Variants in VNN1 observed in about 807,000 individuals in gnomAD.
VNN1 encodes vanin 1, also known as pantetheinase.
In VNN1, 29 loss-of-function variants were observed where a neutral mutation model predicts 41.9. The observed-to-expected ratio is 0.69, with a 90% CI of 0.52 to 0.94. The LOEUF (loss-of-function observed/expected upper bound fraction) is 0.94. Ranked by LOEUF, VNN1 falls within the 40% of genes least tolerant of loss-of-function variation. The pLI is 0.00. For missense variants in VNN1, 637 were observed against 621.1 expected, an observed-to-expected ratio of 1.03 and a Z score of -0.27; for synonymous variants, 233 against 224.4, an observed-to-expected ratio of 1.04 and a Z score of -0.34.
Position 132,711,871 on chromosome 6 carries a change from G to A in VNN1, c.211-32C>T, listed in dbSNP as rs763119896. The A allele has an allele frequency of 3.7e-6, 6 of 1,608,156 alleles. No homozygotes were observed. The Admixed American group carries it at 8.4e-5, about 23-fold the overall frequency. ...AAAATGCAACTTAATCCAAAGGGGG[G>A]CCTGCAAGAGGAGCTGAGGAGCTGA... On this transcript the variant is annotated intron_variant, in intron 1 of 6. Coordinates refer to ENST00000367928, the MANE Select transcript of VNN1 (RefSeq NM_004666.3).
chr6:132,708,791 T>C (rs1778554109), intron 2 of VNN1, among the ~76,000 whole-genome samples: 1 of 152,182 alleles, frequency 6.6e-6, no homozygotes, highest in South Asian at 2.1e-4. Flanking sequence ...CTCTGCTTCT[T>C]TGGTGACCTA....
chr6:132,695,782 TAAG>T (rs1463941222), intron 2 of VNN1, among the ~76,000 whole-genome samples: 1 of 152,194 alleles, frequency 6.6e-6, no homozygotes, highest in Non-Finnish European at 1.5e-5. Flanking sequence ...ATAAAAGGTC[TAAG>T]AAGACCTTAA....
chr6:132,713,448 C>A (rs992762119), intron 1 of VNN1, among the ~76,000 whole-genome samples: 4 of 152,090 alleles, frequency 2.6e-5, no homozygotes, highest in Non-Finnish European at 4.4e-5. Context: ...ACCTGCAAAG[C>A]CTTAATAGCA....
At position 132,692,505 on chromosome 6, in the gene VNN1, C is replaced by G. The variant is rs139355374; in HGVS notation, c.906G>C (p.Ser302=). The change falls in exon 5 of 7, where the codon TCG becomes TCC. Residue 302 remains serine (S), a synonymous_variant. Coordinates refer to ENST00000367928, the MANE Select transcript of VNN1 (RefSeq NM_004666.3). ...AATGGGATGGGTGGGAATCCAGTTG[C>G]GAGAGGAGGAGTTTTCCCTCTTCTG... is the stretch of plus-strand genomic sequence containing the variant. ...MKTEEGKLLL[S]QLDSHPSHSA... is the part of the protein sequence containing the mutation. 1.2e-6 allele frequency: 2 copies of G among 1,613,046 alleles called. No individual in the cohort carries two copies. The highest frequency in any genetic ancestry group is 1.7e-5 in the Admixed American group (1 of 59,996).
chr6:132,685,248 A>T (rs1410463150), intron 5 of VNN1, among the ~76,000 whole-genome samples: 3 of 152,234 alleles, frequency 2.0e-5, no homozygotes, highest in Admixed American at 6.5e-5. Flanking sequence ...TATGTGAGTC[A>T]TCTCACCATG....
intron 2 of VNN1, among the ~76,000 whole-genome samples, chr6:132,710,529 G>T (rs368044745): frequency 6.6e-6 from 1 of 151,844 alleles, no homozygotes; most frequent in Non-Finnish European, 1.5e-5. Context: ...CTTAGCCCCC[G>T]ACTCCCCGAC....
intron 2 of VNN1, among the ~76,000 whole-genome samples, chr6:132,709,151 T>G (rs1285558624): frequency 6.6e-6 from 1 of 152,122 alleles, no homozygotes; most frequent in Non-Finnish European, 1.5e-5. Context: ...ATATCATAGA[T>G]AGGTAGACAG....
intron 2 of VNN1, among the ~76,000 whole-genome samples, chr6:132,695,395 C>T (rs1455839655): frequency 2.0e-5 from 3 of 152,184 alleles, no homozygotes; most frequent in Admixed American, 2.0e-4. Flanking sequence ...TCCTCATCCC[C>T]TGTCCCTGTG....
chr6:132,689,500 G>A (rs1778253605), intron 5 of VNN1, among the ~76,000 whole-genome samples: 2 of 152,072 alleles, frequency 1.3e-5, no homozygotes, highest in Admixed American at 6.5e-5. Flanking sequence ...AATGGTCAAC[G>A]TATTGTGTTA....
At chr6:132,711,675 T>C in intron 2 of VNN1, 34 bp downstream of exon 2, 1 of 1,602,106 alleles carries the variant, frequency 6.2e-7, no homozygotes, top group East Asian at 2.2e-5. Flanking sequence ...AAGTTGATGT[T>C]TACTAGTGAA....
Position 132,684,426 on chromosome 6 carries a change from T to C in VNN1, c.1268A>G (p.Glu423Gly). ...GAAAGTGCCACTGAGGGAGAACATT[T>C]CAAACCTGGTAGAAGCTGTTTCAGC... ...DSAETASTRF[E>G]MFSLSGTFGT... is the part of the protein sequence containing the mutation. Residue 423 changes from glutamate to glycine, a missense_variant, in exon 6 of 7, where the codon GAA (glutamate) becomes GGA (glycine). Glu to Gly is a moderately conservative substitution (Grantham distance 98). Coordinates refer to ENST00000367928, the MANE Select transcript of VNN1 (RefSeq NM_004666.3). The C allele has an allele frequency of 6.2e-7, 1 of 1,614,066 alleles. No homozygotes were observed.
At chr6:132,700,866 T>C (rs967956359) in intron 2 of VNN1, among the ~76,000 whole-genome samples, 1 of 152,182 alleles carries the variant, frequency 6.6e-6, no homozygotes, top group Non-Finnish European at 1.5e-5. Flanking sequence ...AAGGTTATAG[T>C]AGCAAAAAAA....
chr6:132,693,364 T>C, intron 3 of VNN1, 49 bp from the exon 4 acceptor site: 2 of 1,515,728 alleles, frequency 1.3e-6, no homozygotes, highest in Non-Finnish European at 1.8e-6. Context: ...AGGAAGTTGA[T>C]CTGGACATCA....
At chr6:132,695,206 G>T (rs1375703886) in intron 2 of VNN1, among the ~76,000 whole-genome samples, 1 of 152,082 alleles carries the variant, frequency 6.6e-6, no homozygotes, top group Non-Finnish European at 1.5e-5. Flanking sequence ...GAGGGATGCT[G>T]GGAAGATAGC....
chr6:132,693,110 G>T lies in VNN1; in HGVS notation c.740C>A (p.Ala247Asp). Residue 247 changes from alanine (A) to aspartate (D), a missense_variant, in exon 4 of 7, where the codon GCT (alanine) becomes GAT (aspartate). Coordinates refer to ENST00000367928, the MANE Select transcript of VNN1 (RefSeq NM_004666.3). ...AGCCCAAGCTGAGTGGAATTCAACAGCTGACAAATGTGGCAAAACATTCAT... is the reference window on the plus strand; with the variant it reads ...AGCCCAAGCTGAGTGGAATTCAACATCTGACAAATGTGGCAAAACATTCAT... ...AWMNVLPHLSAVEFHSAWAMG... is the reference protein window; with the variant it reads ...AWMNVLPHLSDVEFHSAWAMG... The T allele has an allele frequency of 6.2e-7, 1 of 1,614,120 alleles. No individual in the cohort carries two copies. Among genetic ancestry groups the T allele is most frequent in the Non-Finnish European group, 8.5e-7 (1 of 1,180,008 alleles).
chr6:132,702,225 G>A (rs927325803), intron 2 of VNN1, among the ~76,000 whole-genome samples: 1 of 152,208 alleles, frequency 6.6e-6, no homozygotes, highest in African/African-American at 2.4e-5. Flanking sequence ...TGTCAGATCA[G>A]TTGCAGCATT....
intron 1 of VNN1, among the ~76,000 whole-genome samples, chr6:132,713,599 T>C (rs1349762722): frequency 6.6e-6 from 1 of 152,234 alleles, no homozygotes; most frequent in African/African-American, 2.4e-5. Context: ...TGCTGCTTCT[T>C]GATAATGAGC....
chr6:132,713,720 C>T, intron 1 of VNN1, 106 bp downstream of exon 1: 2 of 1,232,994 alleles, frequency 1.6e-6, no homozygotes, highest in Non-Finnish European at 2.3e-6. Flanking sequence ...TACTCTGATA[C>T]ATATATCATC....
At chr6:132,708,378 A>C (rs1311007949) in intron 2 of VNN1, among the ~76,000 whole-genome samples, 2 of 152,156 alleles carry the variant, frequency 1.3e-5, no homozygotes, top group African/African-American at 4.8e-5. Context: ...ATTATATTAG[A>C]TATAATTAGA....
Sources: gnomAD v4.1 joint callset for allele counts (sites outside exome capture counted in the v4.1 genomes callset) on GRCh38, gnomAD v4.1.1 for gene constraint, MANE v1.5 for transcripts, NCBI Gene and HGNC (gene_info 2026-07-23, HGNC 2026-07-21) for gene names.